Variants in ZDHHC24 observed in about 807,000 individuals in gnomAD.
ZDHHC24 encodes the protein zDHHC palmitoyltransferase 24.
A neutral mutation model predicts 23.2 loss-of-function variants in ZDHHC24; 17 were observed. The ratio of observed to expected loss-of-function variants is 0.73; its 90% CI spans 0.50 to 1.10. The LOEUF (loss-of-function observed/expected upper bound fraction) is 1.10, where lower values mean the gene tolerates loss of function less well. Among genes scored for constraint, ZDHHC24 ranks in the 50% least tolerant of loss-of-function variants. ZDHHC24 has a pLI of 0.00. For missense variants in ZDHHC24, 366 were observed against 393.0 expected, an observed-to-expected ratio of 0.93 and a Z score of 0.58; for synonymous variants, 186 against 194.5, an observed-to-expected ratio of 0.96 and a Z score of 0.36.
intron 4 of ZDHHC24, among the ~76,000 whole-genome samples, chr11:66,525,658 G>A (rs1009480303): frequency 6.6e-6 from 1 of 152,242 alleles, no homozygotes; most frequent in African/African-American, 2.4e-5. Context: ...TTGGGCCATA[G>A]GTGCTGGGAG....
In ZDHHC24 at chr11:66,543,823, GC is replaced by G; in HGVS notation, c.439del (p.Ala147ProfsTer53). The part of the protein sequence containing the change: ...RPFLCLLLHA[A>X]GVLLHVSVLL... Reference sequence around the variant, plus strand: ...CACAGAGACGTGGAGCAGGACGCCGGCGGCATGAAGCAGCAGGCACAGGAAG... The same window carrying G: ...CACAGAGACGTGGAGCAGGACGCCGGGGCATGAAGCAGCAGGCACAGGAAG... On this transcript the variant is annotated frameshift_variant, in exon 2 of 3. Transcript: ENST00000310442. LOFTEE classifies it high-confidence loss of function. The G allele has an allele frequency of 1.2e-6, 2 of 1,613,760 alleles. No homozygotes were observed. Among genetic ancestry groups the G allele is most frequent in the Non-Finnish European group, 1.7e-6 (2 of 1,179,802 alleles).
chr11:66,529,427 C>T (rs1225985416), exon 3 of ZDHHC24: 5 of 930,022 alleles, frequency 5.4e-6, no homozygotes, highest in South Asian at 2.8e-5. Context: ...TGCACAATAT[C>T]GAGCGTGGAC....
intron 3 of ZDHHC24, among the ~76,000 whole-genome samples, chr11:66,528,755 G>A (rs1856624363): frequency 6.6e-6 from 1 of 152,026 alleles, no homozygotes; most frequent in Non-Finnish European, 1.5e-5. Context: ...GATCACCTGA[G>A]GTCAGGAGTT....
In ZDHHC24 at chr11:66,523,748, A is replaced by T. The variant is rs200758309; in HGVS notation, c.*22-2282T>A. The T allele has an allele frequency of 6.2e-7, 1 of 1,612,302 alleles. No individual in the cohort carries two copies. Among genetic ancestry groups the T allele is most frequent in the Non-Finnish European group, 8.5e-7 (1 of 1,180,014 alleles). On this transcript the variant is annotated intron_variant, in intron 4 of 4. Transcript: ENST00000526986. ...GGGGAAGAAGCTGTGGACAGTGCAG[A>T]TGCCCGCAGCCATCCTGACCATGAA...
intron 4 of ZDHHC24, chr11:66,522,718 G>GTCGCC: frequency 4.4e-5 from 9 of 205,210 alleles, no homozygotes; most frequent in East Asian, 2.6e-4. Context: ...GTGGTATTAG[G>GTCGCC]GATATATTGA....
intron 3 of ZDHHC24, chr11:66,527,076 A>C: frequency 2.3e-4 from 344 of 1,488,262 alleles, no homozygotes; most frequent in Non-Finnish European, 2.8e-4. Context: ...AGGAATTCTC[A>C]TGAGGAAAGT....
In ZDHHC24 at chr11:66,545,877, G is replaced by A; in HGVS notation, c.127C>T (p.Pro43Ser). 1 of 1,545,300 alleles carries A rather than the reference G, an allele frequency of 6.5e-7. No homozygotes were observed. Among genetic ancestry groups the A allele is most frequent in the Non-Finnish European group, 8.7e-7 (1 of 1,151,918 alleles). The change falls in exon 1 of 3, where the codon CCG becomes TCG. Residue 43 changes from proline to serine, a missense_variant. Pro to Ser is a moderately conservative substitution (Grantham distance 74). Transcript: ENST00000310442. The surrounding 1 kb of genome is among the most constrained non-coding windows in gnomAD (Gnocchi z 4.5). ...CGGGCCAGGGGTCCCAGCGGCGGCGGCCCGGGACCGAGCACCAGCACGTAA... is the reference window on the plus strand; with the variant it reads ...CGGGCCAGGGGTCCCAGCGGCGGCGACCCGGGACCGAGCACCAGCACGTAA... ...LAYVLVLGPGPPPLGPLARAL... is the reference protein window; with the variant it reads ...LAYVLVLGPGSPPLGPLARAL...
chr11:66,530,780 A>T (rs192214067), downstream of ZDHHC24: 3 of 1,455,720 alleles, frequency 2.1e-6, no homozygotes, highest in East Asian at 6.8e-5. Context: ...TGGGAGGCAG[A>T]TTGAGTAGGA....
downstream of ZDHHC24, chr11:66,531,509 C>T (rs1262708826): frequency 5.7e-6 from 6 of 1,049,786 alleles, no homozygotes; most frequent in East Asian, 2.4e-5. Context: ...TTCCCCACCA[C>T]ACCTGCATCC....
Position 66,529,906 on chromosome 11 carries a change from GC to G in ZDHHC24, c.560-419del. On this transcript the variant is annotated intron_variant, in intron 2 of 4. Coordinates refer to the ZDHHC24 transcript ENST00000526986. ...CTGCAGGCCCTCGAGTCCAGCCTGAGCCCCCTGTCCACGACAGCCCGAGAGC... is the reference window on the plus strand; with the variant it reads ...CTGCAGGCCCTCGAGTCCAGCCTGAGCCCCTGTCCACGACAGCCCGAGAGC... The G allele has an allele frequency of 6.2e-7, 1 of 1,607,212 alleles. No individual in the cohort carries two copies. Among genetic ancestry groups the G allele is most frequent in the Non-Finnish European group, 8.5e-7 (1 of 1,179,834 alleles).
chr11:66,521,033 G>A, downstream of ZDHHC24: 1 of 549,064 alleles, frequency 1.8e-6, no homozygotes, highest in South Asian at 2.0e-5. Context: ...GGTTGTTTAA[G>A]TACATCCTTA....
At chr11:66,544,992 T>A (rs938384181) in intron 1 of ZDHHC24, among the ~76,000 whole-genome samples, 41 of 152,322 alleles carry the variant, frequency 2.7e-4, no homozygotes, top group African/African-American at 9.9e-4. Context: ...AGCCATTACC[T>A]CAAACACTCA....
chr11:66,527,314 C>T (rs889369332), intron 3 of ZDHHC24, among the ~76,000 whole-genome samples: 3 of 152,000 alleles, frequency 2.0e-5, no homozygotes, highest in African/African-American at 7.3e-5. Flanking sequence ...ATCGTTCGTT[C>T]ATTCATTCAT....
At chr11:66,526,252 T>G (rs1856485587) in intron 4 of ZDHHC24, 2 of 1,523,980 alleles carry the variant, frequency 1.3e-6, no homozygotes, top group Non-Finnish European at 1.8e-6. Context: ...CAGGCCTGCT[T>G]CTGGGGAAAG....
chr11:66,544,225 T>TG (rs1857244581), intron 1 of ZDHHC24, among the ~76,000 whole-genome samples: 1 of 152,146 alleles, frequency 6.6e-6, no homozygotes, highest in Non-Finnish European at 1.5e-5. Flanking sequence ...CTCAAGCCAC[T>TG]GACATCCAGC....
intron 1 of ZDHHC24, 82 bp from the exon 2 acceptor site, chr11:66,544,063 C>A: frequency 6.5e-7 from 1 of 1,543,102 alleles, no homozygotes; most frequent in South Asian, 1.2e-5. Context: ...AGAGCCCATC[C>A]TGCGGAAGTG....
chr11:66,540,427 C>CAAAAAAA (rs1184182591), intron 2 of ZDHHC24, among the ~76,000 whole-genome samples: 1 of 52,560 alleles, frequency 1.9e-5, no homozygotes, highest in African/African-American at 7.6e-5. Flanking sequence ...ACTCCCATCT[C>CAAAAAAA]AAAAAAAAAA....
At chr11:66,521,356 AAAC>A in exon 5 of ZDHHC24, 1 of 1,614,138 alleles carries the variant, frequency 6.2e-7, no homozygotes, top group Non-Finnish European at 8.5e-7. Context: ...GCCGCAATGG[AAAC>A]ATCTATATTC....
At chr11:66,520,718 A>G (rs193161582), downstream of ZDHHC24, 1 of 188,520 alleles carries the variant, frequency 5.3e-6, no homozygotes, top group East Asian at 1.3e-4. Context: ...AGACCTTTTT[A>G]CCCAAATATC....
Sources: allele counts gnomAD v4.1 joint callset (sites outside exome capture counted in the v4.1 genomes callset), GRCh38; gene constraint gnomAD v4.1.1; non-coding constraint Gnocchi (gnomAD v3.1); transcripts MANE v1.5; gene names NCBI Gene and HGNC (gene_info 2026-07-23, HGNC 2026-07-21).